Variants in DMD observed in about 807,000 individuals in gnomAD.
DMD encodes the protein dystrophin.
A neutral mutation model predicts 330.1 loss-of-function variants in DMD; 63 were observed. That is an observed-to-expected ratio of 0.19 (90% CI 0.16 to 0.24). The LOEUF is 0.24. DMD is among the 10% of genes least tolerant of loss of function. The pLI, the probability that DMD is intolerant of heterozygous loss-of-function variation, is 1.00. For synonymous variants in DMD, 1,223 were observed against 959.8 expected (o/e 1.27, Z -5.07); for missense variants, 3,344 against 2,684.1 (o/e 1.25, Z -5.43).
chrX:31,527,038 C>T lies in DMD; in HGVS notation c.8218-19585G>A, dbSNP rs1009469188. Reference sequence around the variant, plus strand: ...GGTGGGAGGGAGGATCACCTGAGCCCAGGGATGTCGAAGTTGCAGTGAGCC... The same window carrying T: ...GGTGGGAGGGAGGATCACCTGAGCCTAGGGATGTCGAAGTTGCAGTGAGCC... On this transcript the variant is annotated intron_variant, in intron 55 of 78. Transcript: ENST00000357033. Among the ~76,000 whole-genome samples, 8 of 111,091 alleles carry T rather than the reference C, an allele frequency of 7.2e-5. No homozygotes were observed. The Admixed American group carries it at 7.6e-4, about 11-fold the overall frequency.
chrX:31,835,918 A>G (rs1194029345), intron 49 of DMD, among the ~76,000 whole-genome samples: 1 of 112,123 alleles, frequency 8.9e-6, no homozygotes, highest in Non-Finnish European at 1.9e-5. Flanking sequence ...ATAAACAGCC[A>G]TGATTACAGG....
intron 1 of DMD, among the ~76,000 whole-genome samples, chrX:33,106,938 T>A (rs973362372): frequency 8.9e-6 from 1 of 112,186 alleles, no homozygotes; most frequent in South Asian, 3.6e-4. Context: ...CAAGTGGCTG[T>A]AAGGTTTTGT....
rs374438862 is a variant in DMD, at chrX:33,039,844, A to G, written c.32-19644T>C. On this transcript the variant is annotated intron_variant, in intron 1 of 78. Transcript: ENST00000357033. ...CTATATAAGAACGTTGCTCCACCCAATGAGAAAAAGCAGGGTGATCTATAA... is the reference window on the plus strand; with the variant it reads ...CTATATAAGAACGTTGCTCCACCCAGTGAGAAAAAGCAGGGTGATCTATAA... Among the ~76,000 whole-genome samples, 11 of 110,715 alleles carry G rather than the reference A, an allele frequency of 9.9e-5. No individual in the cohort carries two copies. In the East Asian group the frequency reaches 3.1e-3, roughly 32 times the overall value.
chrX:32,521,840 T>C (rs1260835414), intron 17 of DMD, among the ~76,000 whole-genome samples: 4 of 111,600 alleles, frequency 3.6e-5, no homozygotes, highest in Non-Finnish European at 7.5e-5. Context: ...TAATTCCCAA[T>C]GTGATGATAT....
intron 44 of DMD, among the ~76,000 whole-genome samples, chrX:32,137,534 T>C (rs1005419939): frequency 2.7e-5 from 3 of 111,534 alleles, no homozygotes; most frequent in Non-Finnish European, 5.6e-5. Context: ...TAACAGGGGA[T>C]GGCCTTTCAT....
At chrX:32,765,717 C>A (rs1248502863) in intron 7 of DMD, among the ~76,000 whole-genome samples, 1 of 111,395 alleles carries the variant, frequency 9.0e-6, no homozygotes, top group African/African-American at 3.3e-5. Flanking sequence ...TGATGCATTT[C>A]AATTTACCTA....
intron 30 of DMD, among the ~76,000 whole-genome samples, chrX:32,396,932 G>C (rs1294122817): frequency 9.0e-6 from 1 of 111,093 alleles, no homozygotes; most frequent in Non-Finnish European, 1.9e-5. Context: ...AAAATGCTTA[G>C]CACTTTAGCG....
At chrX:31,791,692 T>C (rs1030918913) in intron 50 of DMD, among the ~76,000 whole-genome samples, 1 of 112,160 alleles carries the variant, frequency 8.9e-6, no homozygotes, top group Non-Finnish European at 1.9e-5. Flanking sequence ...AAAATAAATT[T>C]ATCCTTGTTG....
chrX:31,999,481 C>T lies in DMD; in HGVS notation c.6439-30967G>A, dbSNP rs773586072. On this transcript the variant is annotated intron_variant, in intron 44 of 78. Coordinates refer to ENST00000357033, the MANE Select transcript of DMD (RefSeq NM_004006.3). The stretch of plus-strand genomic sequence containing the variant: ...ATCACTGGATGACCACTGGCTTCAA[C>T]ATAGAAGAACCATATAAAAGGAAAA... Among the ~76,000 whole-genome samples the T allele has an allele frequency of 5.4e-5, 6 of 111,849 alleles. No individual in the cohort carries two copies. The East Asian group carries it at 1.7e-3, about 32-fold the overall frequency.
chrX:32,037,797 T>C (rs1167263381), intron 44 of DMD, among the ~76,000 whole-genome samples: 2 of 112,158 alleles, frequency 1.8e-5, no homozygotes, highest in Non-Finnish European at 3.8e-5. Flanking sequence ...GATGTTATCA[T>C]TGAATCTCCA....
chrX:33,003,462 CTT>C (rs111305436), intron 2 of DMD, among the ~76,000 whole-genome samples: 1,417 of 111,770 alleles, frequency 0.013, 27 homozygotes, highest in African/African-American at 0.042. Flanking sequence ...TATTTTATAA[CTT>C]GAGACATCTG....
At chrX:31,705,805 G>A in intron 52 of DMD, among the ~76,000 whole-genome samples, 1 of 111,825 alleles carries the variant, frequency 8.9e-6, no homozygotes, top group Non-Finnish European at 1.9e-5. Flanking sequence ...TGGAATAGAT[G>A]AAATAGGTGA....
Position 32,807,420 on chromosome X carries a change from A to C in DMD, c.649+2073T>G, listed in dbSNP as rs375548092. Among the ~76,000 whole-genome samples, 9 of 111,546 alleles carry C rather than the reference A, an allele frequency of 8.1e-5. No homozygotes were observed. The East Asian group carries it at 1.7e-3, about 21-fold the overall frequency. Reference sequence around the variant, plus strand: ...AAAGGCTTTACAGATATGAGATTTTATTGGGAAAACGAGACCATAAGCAGT... The same window carrying C: ...AAAGGCTTTACAGATATGAGATTTTCTTGGGAAAACGAGACCATAAGCAGT... On this transcript the variant is annotated intron_variant, in intron 7 of 78. Transcript: ENST00000357033.
At chrX:31,945,190 C>T (rs996499024) in intron 45 of DMD, among the ~76,000 whole-genome samples, 1 of 112,050 alleles carries the variant, frequency 8.9e-6, no homozygotes, top group East Asian at 2.8e-4. Context: ...GAGGCAAGCT[C>T]GCCTGTCATT....
chrX:32,392,633 C>T (rs912318092), intron 30 of DMD, among the ~76,000 whole-genome samples: 1 of 112,030 alleles, frequency 8.9e-6, no homozygotes, highest in African/African-American at 3.2e-5. Flanking sequence ...ACTCCCTCAA[C>T]AAGAGGTGAA....
intron 25 of DMD, 106 bp from the exon 26 acceptor site, chrX:32,454,938 TAAAG>T (rs2098350368): frequency 1.0e-6 from 1 of 953,097 alleles, no homozygotes; most frequent in Non-Finnish European, 1.4e-6. Flanking sequence ...ATAGTAATGA[TAAAG>T]AAGTAAAAAG....
intron 60 of DMD, among the ~76,000 whole-genome samples, chrX:31,362,016 A>G (rs1312404429): frequency 9.0e-6 from 1 of 111,321 alleles, no homozygotes. Flanking sequence ...TAACCATTTC[A>G]CGGTTGTTTG....
At chrX:32,016,870 G>A (rs1039687694) in intron 44 of DMD, among the ~76,000 whole-genome samples, 2 of 112,636 alleles carry the variant, frequency 1.8e-5, no homozygotes, top group African/African-American at 6.5e-5. Context: ...CAGATGAAAA[G>A]TTTTTAAAAA....
intron 55 of DMD, among the ~76,000 whole-genome samples, chrX:31,508,675 A>G (rs999009708): frequency 3.6e-5 from 4 of 111,901 alleles, no homozygotes; most frequent in African/African-American, 6.5e-5. Flanking sequence ...GAGGCTTTGT[A>G]TATTATCTGA....
Sources: allele counts gnomAD v4.1 joint callset (sites outside exome capture counted in the v4.1 genomes callset), GRCh38; gene constraint gnomAD v4.1.1; transcripts MANE v1.5; gene names NCBI Gene and HGNC (gene_info 2026-07-23, HGNC 2026-07-21).